The following OR1I1 variants were observed in gnomAD, a reference collection of about 807,000 sequenced individuals.
OR1I1 encodes the protein olfactory receptor family 1 subfamily I member 1, also known as olfactory receptor 1I1.
For synonymous variants in OR1I1, 171 were observed against 181.4 expected (o/e 0.94, Z 0.46); for missense variants, 451 against 443.6 (o/e 1.02, Z -0.15).
Position 15,087,790 on chromosome 19 carries a change from G to A in OR1I1, c.725G>A (p.Gly242Asp). The A allele has an allele frequency of 6.2e-7, 1 of 1,614,164 alleles. No homozygotes were observed. The change falls in exon 2 of 2, where the codon GGC becomes GAC. Residue 242 changes from glycine to aspartate, a missense_variant. Physicochemically the swap from Gly to Asp is moderately conservative, Grantham distance 94 (BLOSUM62 -1). Coordinates refer to ENST00000641398, the MANE Select transcript of OR1I1 (RefSeq NM_001004713.2). ...RGKWKAFSTC[G>D]LHLTVVSLSY... is the part of the protein sequence containing the mutation. ...AAGTGGAAAGCCTTCTCCACCTGTGGCTTACACCTCACTGTGGTGTCACTG... is the reference window on the plus strand; with the variant it reads ...AAGTGGAAAGCCTTCTCCACCTGTGACTTACACCTCACTGTGGTGTCACTG...
rs1292697858 is a variant in OR1I1 at position 15,089,740 on chromosome 19, G to T, written c.*1607G>T. On this transcript the variant is annotated 3_prime_UTR_variant, in exon 2 of 2. Transcript: ENST00000641398. Reference sequence around the variant, plus strand: ...TCATCTTAGTTACTCGGGAGGCTGAGACAGGAGGACCTCTTGAGCCAAGGA... The same window carrying T: ...TCATCTTAGTTACTCGGGAGGCTGATACAGGAGGACCTCTTGAGCCAAGGA... 1.3e-5 allele frequency: 2 copies of T among 152,108 alleles called. No homozygotes were observed. Among genetic ancestry groups the T allele is most frequent in the Non-Finnish European group, 2.9e-5 (2 of 68,040 alleles). 9.4% of individuals were successfully genotyped at this position (152,108 alleles called of 1,614,324 possible).
In OR1I1 at chr19:15,092,227, T is replaced by G. The variant is rs1233237502; in HGVS notation, c.*4094T>G. ...GGAAGGGCACAACAGGTGCAAAGTT[T>G]CCATGATGAGAAGGAGCCTGTGTTG... On this transcript the variant is annotated 3_prime_UTR_variant, in exon 2 of 2. Coordinates refer to ENST00000641398, the MANE Select transcript of OR1I1 (RefSeq NM_001004713.2). 1 of 150,592 alleles carries G rather than the reference T, an allele frequency of 6.6e-6. No individual in the cohort carries two copies. The highest frequency in any genetic ancestry group is 1.5e-5 in the Non-Finnish European group (1 of 67,700). The allele number at this position is 150,592 out of a possible 1,614,324, so 9.3% of individuals were successfully genotyped here.
rs2046253513 is a variant in OR1I1, at chr19:15,090,823, C to A, written c.*2690C>A. The A allele has an allele frequency of 6.6e-6, 1 of 152,386 alleles. No homozygotes were observed. The highest frequency in any genetic ancestry group is 1.5e-5 in the Non-Finnish European group (1 of 68,160). The allele number at this position is 152,386 out of a possible 1,614,324, so 9.4% of individuals were successfully genotyped here. A position where few individuals can be genotyped will look rare whatever the true frequency, so the allele number is the denominator to read the frequency against. The stretch of plus-strand genomic sequence containing the variant: ...CAGGCTGGTCTCAAACTCCCGGCCT[C>A]AAGAGATCTGCCCTCCTCGGCTTCA... On this transcript the variant is annotated 3_prime_UTR_variant, in exon 2 of 2. Transcript: ENST00000641398.
At chr19:15,082,388 T>C (rs941561331) in intron 1 of OR1I1, 112 bp downstream of exon 1, 4 of 150,484 alleles carry the variant, frequency 2.7e-5, no homozygotes, top group African/African-American at 9.8e-5. Context: ...GCCATCCTGG[T>C]GAGCAGGTGA....
At chr19:15,085,174 A>ATTTTTTTT (rs1188702949) in intron 1 of OR1I1, among the ~76,000 whole-genome samples, 8 of 56,880 alleles carry the variant, frequency 1.4e-4, no homozygotes, top group African/African-American at 4.8e-4. Flanking sequence ...ATATATATAT[A>ATTTTTTTT]TATTTTTTTT....
rs1416951908 is a variant in OR1I1 at position 15,091,968 on chromosome 19, C to T, written c.*3835C>T. On this transcript the variant is annotated 3_prime_UTR_variant, in exon 2 of 2. Transcript: ENST00000641398. ...CAGGAGAACCAGATTTGGGGTGCCG[C>T]TCTAGCCACTGTGTCCAGGAGGGAA... The T allele has an allele frequency of 6.6e-6, 1 of 151,752 alleles. No individual in the cohort carries two copies. Among genetic ancestry groups the T allele is most frequent in the Non-Finnish European group, 1.5e-5 (1 of 68,026 alleles). 9.4% of individuals were successfully genotyped at this position (151,752 alleles called of 1,614,324 possible). A position where few individuals can be genotyped will look rare whatever the true frequency, so the allele number is the denominator to read the frequency against.
chr19:15,087,634 C>T lies in OR1I1; in HGVS notation c.569C>T (p.Ser190Leu). The change falls in exon 2 of 2, where the codon TCA (serine) becomes TTA (leucine). Residue 190 changes from serine (S) to leucine (L), a missense_variant. Coordinates refer to ENST00000641398, the MANE Select transcript of OR1I1 (RefSeq NM_001004713.2). ...DLMPLLKLSG[S>L]DTHTNELVIF... ...ATGCCCCTGCTGAAGCTCTCCGGCT[C>T]AGACACGCACACCAACGAGCTGGTG... is the stretch of plus-strand genomic sequence containing the variant. 1 of 1,614,196 alleles carries T rather than the reference C, an allele frequency of 6.2e-7. No homozygotes were observed. The highest frequency in any genetic ancestry group is 8.5e-7 in the Non-Finnish European group (1 of 1,180,048).
In OR1I1 at chr19:15,088,460, G is replaced by A; in HGVS notation, c.*327G>A. 3.5e-6 allele frequency: 1 copy of A among 287,438 alleles called. No individual in the cohort carries two copies. The highest frequency in any genetic ancestry group is 6.6e-6 in the Non-Finnish European group (1 of 150,876). The allele number at this position is 287,438 out of a possible 1,614,324, so 17.8% of individuals were successfully genotyped here. ...GAGGCCAGGAGTTTGAGACCAGCCT[G>A]GGCAACATACAGAGACCCTATCTCC... On this transcript the variant is annotated 3_prime_UTR_variant, in exon 2 of 2. Transcript: ENST00000641398.
At position 15,088,136 on chromosome 19, in the gene OR1I1, C is replaced by T; in HGVS notation, c.*3C>T. ...CTGGGAACAGAGACATGGAATAAAT[C>T]CTTCCAGTACAACGTGATAAATGTG... On this transcript the variant is annotated 3_prime_UTR_variant, in exon 2 of 2. Transcript: ENST00000641398. 1 of 1,543,528 alleles carries T rather than the reference C, an allele frequency of 6.5e-7. No homozygotes were observed. Among genetic ancestry groups the T allele is most frequent in the Non-Finnish European group, 8.8e-7 (1 of 1,141,434 alleles).
rs1468355986 is a variant in OR1I1, at chr19:15,089,421, G to C, written c.*1288G>C. 6.6e-6 allele frequency: 1 copy of C among 152,134 alleles called. No homozygotes were observed. The highest frequency in any genetic ancestry group is 1.5e-5 in the Non-Finnish European group (1 of 68,050). 9.4% of individuals were successfully genotyped at this position (152,134 alleles called of 1,614,324 possible). ...GTGTTTCCTGTGACATTCATCGCCT[G>C]ACTCTGAACCCAGTATGATTCTACA... On this transcript the variant is annotated 3_prime_UTR_variant, in exon 2 of 2. Coordinates refer to ENST00000641398, the MANE Select transcript of OR1I1 (RefSeq NM_001004713.2).
rs140528393 is a variant in OR1I1 at position 15,090,954 on chromosome 19, C to A, written c.*2821C>A. 0.011 allele frequency: 1,674 copies of A among 152,304 alleles called. 15 individuals are homozygous for A. The highest frequency in any genetic ancestry group is 0.014 in the Non-Finnish European group (983 of 68,022). The allele number at this position is 152,304 out of a possible 1,614,324, so 9.4% of individuals were successfully genotyped here. A position where few individuals can be genotyped will look rare whatever the true frequency, so the allele number is the denominator to read the frequency against. ...ATGCAGTTAGTTTAAGAAATGTCAGCAACCTACAAAACCTACAAAGTGTCC... is the reference window on the plus strand; with the variant it reads ...ATGCAGTTAGTTTAAGAAATGTCAGAAACCTACAAAACCTACAAAGTGTCC... On this transcript the variant is annotated 3_prime_UTR_variant, in exon 2 of 2. Transcript: ENST00000641398.
intron 1 of OR1I1, among the ~76,000 whole-genome samples, 158 bp downstream of exon 1, chr19:15,082,434 G>A (rs1374511431): frequency 1.3e-5 from 2 of 152,004 alleles, no homozygotes; most frequent in African/African-American, 4.8e-5. Flanking sequence ...GGTGGGGGTG[G>A]AGGGTTGTGG....
chr19:15,089,492 A>T lies in OR1I1; in HGVS notation c.*1359A>T, dbSNP rs1042705603. 6 of 152,098 alleles carry T rather than the reference A, an allele frequency of 3.9e-5. No homozygotes were observed. Among genetic ancestry groups the T allele is most frequent in the African/African-American group, 1.4e-4 (6 of 41,390 alleles). 9.4% of individuals were successfully genotyped at this position (152,098 alleles called of 1,614,324 possible). On this transcript the variant is annotated 3_prime_UTR_variant, in exon 2 of 2. Transcript: ENST00000641398. The stretch of plus-strand genomic sequence containing the variant: ...ATCAGGTGGCCCGGGGCACTTAAAA[A>T]GTTAGTGTTATGGGTTGAACTGTGG...
At chr19:15,083,596 A>C (rs1383864373) in intron 1 of OR1I1, among the ~76,000 whole-genome samples, 1 of 11,242 alleles carries the variant, frequency 8.9e-5, no homozygotes, top group African/African-American at 2.3e-4. Flanking sequence ...AAAAAGCCTC[A>C]AAAAGTTAAC....
chr19:15,086,240 G>C (rs1004975971), intron 1 of OR1I1, among the ~76,000 whole-genome samples: 5 of 152,136 alleles, frequency 3.3e-5, no homozygotes, highest in Admixed American at 1.3e-4. Context: ...CTTGAACCCA[G>C]GAGGCAGAGG....
rs1459248049 is a variant in OR1I1 at position 15,091,463 on chromosome 19, T to A, written c.*3330T>A. On this transcript the variant is annotated 3_prime_UTR_variant, in exon 2 of 2. Transcript: ENST00000641398. Reference sequence around the variant, plus strand: ...TCATGAGGTCAGGAGATCAAGACCATCCTGGCTAACATGGTGAAACCCCAT... The same window carrying A: ...TCATGAGGTCAGGAGATCAAGACCAACCTGGCTAACATGGTGAAACCCCAT... 3 of 152,060 alleles carry A rather than the reference T, an allele frequency of 2.0e-5. No individual in the cohort carries two copies. The highest frequency in any genetic ancestry group is 3.9e-4 in the East Asian group (2 of 5,190). The allele number at this position is 152,060 out of a possible 1,614,324, so 9.4% of individuals were successfully genotyped here.
At position 15,088,820 on chromosome 19, in the gene OR1I1, GATAT is replaced by G. The variant is rs1420092128; in HGVS notation, c.*689_*692del. On this transcript the variant is annotated 3_prime_UTR_variant, in exon 2 of 2. Coordinates refer to ENST00000641398, the MANE Select transcript of OR1I1 (RefSeq NM_001004713.2). ...AGATAGATAGATAGATAGATAGATAGATATACAGATAGATACATAGATAGATAGG... is the reference window on the plus strand; with the variant it reads ...AGATAGATAGATAGATAGATAGATAGACAGATAGATACATAGATAGATAGG... 7.0e-4 allele frequency: 103 copies of G among 147,472 alleles called. No homozygotes were observed. The highest frequency in any genetic ancestry group is 3.4e-3 in the East Asian group (17 of 4,988). 9.1% of individuals were successfully genotyped at this position (147,472 alleles called of 1,614,324 possible).
rs1000224241 is a variant in OR1I1, at chr19:15,090,898, G to T, written c.*2765G>T. On this transcript the variant is annotated 3_prime_UTR_variant, in exon 2 of 2. Coordinates refer to ENST00000641398, the MANE Select transcript of OR1I1 (RefSeq NM_001004713.2). ...AACCACCACACTCGGCCTGATTTGT[G>T]GTACTTTGTTGCAACATTGCTAGAA... The T allele has an allele frequency of 2.6e-5, 4 of 152,128 alleles. No individual in the cohort carries two copies. The highest frequency in any genetic ancestry group is 9.7e-5 in the African/African-American group (4 of 41,426). 9.4% of individuals were successfully genotyped at this position (152,128 alleles called of 1,614,324 possible). A position where few individuals can be genotyped will look rare whatever the true frequency, so the allele number is the denominator to read the frequency against.
At position 15,087,917 on chromosome 19, in the gene OR1I1, G is replaced by A; in HGVS notation, c.852G>A (p.Met284Ile). Reference sequence around the variant, plus strand: ...TAATGTGTGGGGTGTTCATCCCCATGCTCAACCCCTTTATCTACAGCATAC... The same window carrying A: ...TAATGTGTGGGGTGTTCATCCCCATACTCAACCCCTTTATCTACAGCATAC... ...AALMCGVFIPMLNPFIYSIRN... is the reference protein window; with the variant it reads ...AALMCGVFIPILNPFIYSIRN... Residue 284 changes from methionine (M) to isoleucine (I), a missense_variant, in exon 2 of 2, where the codon ATG (methionine) becomes ATA (isoleucine). Met to Ile is a conservative substitution (Grantham distance 10). Coordinates refer to ENST00000641398, the MANE Select transcript of OR1I1 (RefSeq NM_001004713.2). The A allele has an allele frequency of 8.7e-6, 14 of 1,613,994 alleles. No individual in the cohort carries two copies. The highest frequency in any genetic ancestry group is 1.2e-5 in the Non-Finnish European group (14 of 1,179,884).
Sources: allele counts gnomAD v4.1 joint callset (sites outside exome capture counted in the v4.1 genomes callset), GRCh38; gene constraint gnomAD v4.1.1; transcripts MANE v1.5; gene names NCBI Gene and HGNC (gene_info 2026-07-23, HGNC 2026-07-21).